The following SPPL3 variants were observed in gnomAD, a reference collection of about 807,000 sequenced individuals.
SPPL3 encodes the protein signal peptide peptidase-like 3.
SPPL3 carries 5 observed loss-of-function variants against 42.4 expected under a neutral mutation model. The observed-to-expected ratio is 0.12, with a 90% confidence interval of 0.06 to 0.25. The LOEUF (loss-of-function observed/expected upper bound fraction) is 0.25. Ranked by LOEUF, SPPL3 falls within the 10% of genes least tolerant of loss-of-function variation. The pLI is 1.00. For missense variants in SPPL3, 235 were observed against 489.0 expected, an observed-to-expected ratio of 0.48 and a Z score of 4.90; for synonymous variants, 195 against 181.8, an observed-to-expected ratio of 1.07 and a Z score of -0.58.
At chr12:120,876,432 TGAAACCC>T (rs1371735835) in intron 1 of SPPL3, among the ~76,000 whole-genome samples, 1 of 150,938 alleles carries the variant, frequency 6.6e-6, no homozygotes, top group Non-Finnish European at 1.5e-5. Flanking sequence ...ACTAACACGG[TGAAACCC>T]CGTCTCTACT....
rs574894219 is a variant in SPPL3, at chr12:120,858,953, A to T, written c.23+44892T>A. Among the ~76,000 whole-genome samples, 4 of 152,282 alleles carry T rather than the reference A, an allele frequency of 2.6e-5. No individual in the cohort carries two copies. The South Asian group carries it at 6.2e-4, about 24-fold the overall frequency. ...TTTTTACGAATCAGTTTCTTTTTATAATCTATCAGTATTTACTTATTTAGT... is the reference window on the plus strand; with the variant it reads ...TTTTTACGAATCAGTTTCTTTTTATTATCTATCAGTATTTACTTATTTAGT... On this transcript the variant is annotated intron_variant, in intron 1 of 10. Transcript: ENST00000353487.
At chr12:120,810,375 A>G (rs1395698421) in intron 2 of SPPL3, among the ~76,000 whole-genome samples, 1 of 141,950 alleles carries the variant, frequency 7.0e-6, no homozygotes, top group East Asian at 2.2e-4. Flanking sequence ...CTACACTTTC[A>G]TTTTTGGTTA....
At chr12:120,878,363 T>C (rs1873177220) in intron 1 of SPPL3, among the ~76,000 whole-genome samples, 1 of 151,966 alleles carries the variant, frequency 6.6e-6, no homozygotes, top group African/African-American at 2.4e-5. Context: ...CTTGGAAAAA[T>C]AAGTGGGCAA....
chr12:120,858,730 TA>T (rs1344034952), intron 1 of SPPL3, among the ~76,000 whole-genome samples: 3 of 151,986 alleles, frequency 2.0e-5, no homozygotes, highest in Admixed American at 2.0e-4. Flanking sequence ...ATGTATACAA[TA>T]GGAGTCCCCA....
chr12:120,861,869 G>C (rs1054598520), intron 1 of SPPL3, among the ~76,000 whole-genome samples: 2 of 152,186 alleles, frequency 1.3e-5, no homozygotes, highest in African/African-American at 2.4e-5. Context: ...GGGTAAGAGA[G>C]GGACTGGGAA....
chr12:120,881,166 T>G (rs1566068453), intron 1 of SPPL3, among the ~76,000 whole-genome samples: 2 of 151,668 alleles, frequency 1.3e-5, no homozygotes, highest in Non-Finnish European at 2.9e-5. Context: ...TAATGGTGGA[T>G]CCTCAAAAAA....
intron 3 of SPPL3, among the ~76,000 whole-genome samples, chr12:120,787,980 C>A (rs903964441): frequency 1.1e-4 from 16 of 152,202 alleles, no homozygotes; most frequent in African/African-American, 3.9e-4. Context: ...GGCACTCTTG[C>A]ACATGACTTG....
At chr12:120,813,949 C>A (rs149386693) in intron 1 of SPPL3, among the ~76,000 whole-genome samples, 54 of 152,248 alleles carry the variant, frequency 3.5e-4, no homozygotes, top group African/African-American at 1.2e-3. Flanking sequence ...CACTTGTGAT[C>A]TGGTGCTGCC....
At chr12:120,865,524 T>G (rs1872731813) in intron 1 of SPPL3, among the ~76,000 whole-genome samples, 1 of 152,250 alleles carries the variant, frequency 6.6e-6, no homozygotes, top group African/African-American at 2.4e-5. Flanking sequence ...TATTCAGTGT[T>G]TGGCATGGGT....
At chr12:120,839,451 A>G (rs935135176) in intron 1 of SPPL3, among the ~76,000 whole-genome samples, 9 of 151,914 alleles carry the variant, frequency 5.9e-5, no homozygotes, top group Non-Finnish European at 8.8e-5. Context: ...TGGCACATGT[A>G]TACATATGTA....
chr12:120,893,093 C>T (rs1380019932), intron 1 of SPPL3, among the ~76,000 whole-genome samples: 1 of 151,930 alleles, frequency 6.6e-6, no homozygotes, highest in Non-Finnish European at 1.5e-5. Flanking sequence ...CTCTTTACAA[C>T]CCCTAACTGA....
intron 1 of SPPL3, among the ~76,000 whole-genome samples, chr12:120,822,904 A>G (rs1183551909): frequency 6.6e-6 from 1 of 152,080 alleles, no homozygotes; most frequent in African/African-American, 2.4e-5. Context: ...CACCACATGC[A>G]TGAGGACTCT....
At chr12:120,844,377 C>T (rs754162117) in intron 1 of SPPL3, among the ~76,000 whole-genome samples, 2 of 152,208 alleles carry the variant, frequency 1.3e-5, no homozygotes, top group Non-Finnish European at 2.9e-5. Flanking sequence ...CATTCTCCTT[C>T]GCTCAACCCA....
chr12:120,818,603 T>C (rs966937190), intron 1 of SPPL3, among the ~76,000 whole-genome samples: 4 of 152,230 alleles, frequency 2.6e-5, no homozygotes, highest in Non-Finnish European at 5.9e-5. Context: ...GTGTTCTATG[T>C]GTCAGCCTTC....
intron 1 of SPPL3, among the ~76,000 whole-genome samples, chr12:120,878,617 T>C (rs1444500431): frequency 6.6e-6 from 1 of 152,212 alleles, no homozygotes; most frequent in Non-Finnish European, 1.5e-5. Context: ...TCACAGCTTA[T>C]GTTTATCAGT....
intron 1 of SPPL3, among the ~76,000 whole-genome samples, chr12:120,840,780 C>A (rs906369832): frequency 1.3e-5 from 2 of 151,868 alleles, no homozygotes; most frequent in Non-Finnish European, 2.9e-5. Flanking sequence ...TGCAGTGAGA[C>A]AAGATTGTGC....
At chr12:120,860,957 A>G (rs904870930) in intron 1 of SPPL3, among the ~76,000 whole-genome samples, 1 of 152,208 alleles carries the variant, frequency 6.6e-6, no homozygotes, top group Non-Finnish European at 1.5e-5. Flanking sequence ...ACCTACACAC[A>G]TCCACCTGTA....
chr12:120,784,404 T>C (rs1566040962), intron 4 of SPPL3, 70 bp downstream of exon 4: 1 of 1,449,280 alleles, frequency 6.9e-7, no homozygotes, highest in Non-Finnish European at 9.2e-7. Context: ...ATCTTAATTT[T>C]TGAACAATGA....
At chr12:120,881,434 C>T (rs998120082) in intron 1 of SPPL3, among the ~76,000 whole-genome samples, 1 of 133,062 alleles carries the variant, frequency 7.5e-6, no homozygotes. Flanking sequence ...CGCCACAGAA[C>T]TCCAGCCTGG....
Sources: allele counts gnomAD v4.1 joint callset (sites outside exome capture counted in the v4.1 genomes callset), GRCh38; gene constraint gnomAD v4.1.1; transcripts MANE v1.5; gene names NCBI Gene and HGNC (gene_info 2026-07-23, HGNC 2026-07-21).